Variants in ZBTB44 observed in about 807,000 individuals in gnomAD.
ZBTB44 encodes the protein zinc finger and BTB domain containing 44, also known as zinc finger and BTB domain-containing protein 44.
Under a neutral mutation model 54.0 loss-of-function variants are expected in ZBTB44, and 15 were observed. The ratio of observed to expected loss-of-function variants is 0.28; its 90% CI spans 0.19 to 0.43. The LOEUF is 0.43. Among genes scored for constraint, ZBTB44 ranks in the 20% least tolerant of loss-of-function variants. ZBTB44 has a pLI of 1.00. For missense variants in ZBTB44, 487 were observed against 707.1 expected (o/e 0.69, Z 3.53); for synonymous variants, 230 against 250.1 (o/e 0.92, Z 0.76).
At chr11:130,302,467 T>C (rs1299551799) in intron 1 of ZBTB44, among the ~76,000 whole-genome samples, 1 of 152,182 alleles carries the variant, frequency 6.6e-6, no homozygotes, top group Non-Finnish European at 1.5e-5. Context: ...GTTAGTTTTA[T>C]ACAGCATGTG....
Position 130,230,823 on chromosome 11 carries a change from G to A in ZBTB44, c.*941C>T, listed in dbSNP as rs1202265703. On this transcript the variant is annotated 3_prime_UTR_variant, in exon 8 of 8. Coordinates refer to ENST00000357899, the MANE Select transcript of ZBTB44 (RefSeq NM_001301098.2). ...CTATTAGAATATACCCTTTAAACAC[G>A]AAAAGAACAACTGCAGGAGCTTTAA... 3.3e-5 allele frequency: 5 copies of A among 152,034 alleles called. No homozygotes were observed. Among genetic ancestry groups the A allele is most frequent in the East Asian group, 1.9e-4 (1 of 5,178 alleles). The allele number at this position is 152,034 out of a possible 1,614,324, so 9.4% of individuals were successfully genotyped here.
At chr11:130,262,013 CTAAAT>C in intron 1 of ZBTB44, 84 bp from the exon 2 acceptor site, 3 of 1,036,970 alleles carry the variant, frequency 2.9e-6, no homozygotes, top group Non-Finnish European at 4.0e-6. Flanking sequence ...GGCCACTGTA[CTAAAT>C]TAAAAAGCTG....
intron 1 of ZBTB44, among the ~76,000 whole-genome samples, chr11:130,305,248 A>G (rs867984039): frequency 9.8e-5 from 15 of 152,324 alleles, no homozygotes; most frequent in Middle Eastern, 3.4e-3. Context: ...TAGAACTAGA[A>G]AACACAATTC....
intron 1 of ZBTB44, chr11:130,310,407 A>G (rs1257353226): frequency 6.6e-6 from 1 of 151,972 alleles, no homozygotes. Context: ...CGTGCTTATC[A>G]GTAGTAGGAT....
In ZBTB44 at chr11:130,291,993, T is replaced by C. The variant is rs145261477; in HGVS notation, c.-57+22382A>G. On this transcript the variant is annotated intron_variant, in intron 1 of 7. Transcript: ENST00000357899. ...TTTACACTTTAGTAGCTCCATTTTC[T>C]AGAATTTTATATAAATGGGATTATA... 1.6e-3 allele frequency among the ~76,000 whole-genome samples: 240 copies of C among 152,354 alleles called. 5 individuals carry two copies. The South Asian group carries it at 0.034, about 22-fold the overall frequency.
At chr11:130,236,666 G>A (rs1025707703) in intron 5 of ZBTB44, 127 bp downstream of exon 5, 27 of 993,690 alleles carry the variant, frequency 2.7e-5, no homozygotes, top group Non-Finnish European at 3.1e-5. Flanking sequence ...ATGAACAGTG[G>A]GAATCCGTAA....
rs59629267 is a variant in ZBTB44 at position 130,313,907 on chromosome 11, GGT to G, written c.-57+466_-57+467del. Among the ~76,000 whole-genome samples, 328 of 149,236 alleles carry G rather than the reference GGT, an allele frequency of 2.2e-3. 2 individuals carry two copies. The Middle Eastern group carries it at 0.035, about 16-fold the overall frequency. The stretch of plus-strand genomic sequence containing the variant: ...GATCCTCAGGAAGGAAAGGAAAAGA[GGT>G]GTGTGTGTGTGTGTATGTGTGTGTG... On this transcript the variant is annotated intron_variant, in intron 1 of 7. Coordinates refer to ENST00000357899, the MANE Select transcript of ZBTB44 (RefSeq NM_001301098.2).
chr11:130,232,750 C>T (rs1050163420), intron 7 of ZBTB44: 1 of 152,230 alleles, frequency 6.6e-6, no homozygotes, highest in Non-Finnish European at 1.5e-5. Context: ...GCAGTGATCC[C>T]AGCAGTCTGG....
intron 3 of ZBTB44, 108 bp downstream of exon 3, chr11:130,239,704 C>T (rs1954267377): frequency 1.2e-6 from 1 of 832,278 alleles, no homozygotes; most frequent in Non-Finnish European, 1.9e-6. Context: ...GAAAAGTATA[C>T]TGAAGTGAGG....
rs1260832843 is a variant in ZBTB44 at position 130,236,952 on chromosome 11, T to C, written c.1409A>G (p.Tyr470Cys). Residue 470 changes from tyrosine to cysteine, a missense_variant, in exon 5 of 8, where the codon TAT becomes TGT. Transcript: ENST00000357899. ...CSATFTSFGE[Y>C]KHHMRVSRHI... ...CCGGGAAACCCTCATGTGGTGTTTA[T>C]ATTCCCCGAAGGAAGTGAAAGTGGC... 1 of 1,613,240 alleles carries C rather than the reference T, an allele frequency of 6.2e-7. No individual in the cohort carries two copies. The highest frequency in any genetic ancestry group is 1.7e-4 in the Middle Eastern group (1 of 6,056).
intron 1 of ZBTB44, among the ~76,000 whole-genome samples, chr11:130,286,049 C>T (rs1191097891): frequency 2.6e-5 from 4 of 152,168 alleles, no homozygotes; most frequent in East Asian, 1.9e-4. Context: ...ATCAACTATC[C>T]GAAAAGTGAC....
At position 130,251,780 on chromosome 11, in the gene ZBTB44, TGGAAA is replaced by T. The variant is rs550054017; in HGVS notation, c.1018+9071_1018+9075del. ...GAGCTCCTGAAGGAAGCACTAAATA[TGGAAA>T]GGAAAAACTGGTACCAGCCACTGCA... On this transcript the variant is annotated intron_variant, in intron 2 of 7. Transcript: ENST00000357899. 6.6e-3 allele frequency among the ~76,000 whole-genome samples: 1,006 copies of T among 152,030 alleles called. 12 individuals carry two copies. Among genetic ancestry groups the T allele is most frequent in the African/African-American group, 0.023 (964 of 41,454 alleles).
chr11:130,272,279 A>T (rs1458783064), intron 1 of ZBTB44, among the ~76,000 whole-genome samples: 3 of 152,134 alleles, frequency 2.0e-5, no homozygotes, highest in Non-Finnish European at 4.4e-5. Flanking sequence ...CATCCTCACC[A>T]ACACTTATGA....
chr11:130,252,322 T>C (rs1254737990), intron 2 of ZBTB44, among the ~76,000 whole-genome samples: 1 of 152,112 alleles, frequency 6.6e-6, no homozygotes, highest in East Asian at 1.9e-4. Context: ...CACACAATAA[T>C]AGTGGGAGAC....
At chr11:130,309,316 A>G (rs1447948190) in intron 1 of ZBTB44, among the ~76,000 whole-genome samples, 1 of 152,182 alleles carries the variant, frequency 6.6e-6, no homozygotes, top group Non-Finnish European at 1.5e-5. Flanking sequence ...AGTGTGACCT[A>G]TGACAGTGAG....
intron 1 of ZBTB44, among the ~76,000 whole-genome samples, chr11:130,262,187 TG>T (rs1938908932): frequency 6.6e-6 from 1 of 152,214 alleles, no homozygotes; most frequent in Non-Finnish European, 1.5e-5. Flanking sequence ...TTGCCCAGGC[TG>T]GAGTGCAGCG....
chr11:130,243,414 AGC>A (rs1954475042), intron 2 of ZBTB44, among the ~76,000 whole-genome samples: 2 of 152,246 alleles, frequency 1.3e-5, no homozygotes, highest in South Asian at 4.1e-4. Flanking sequence ...GGGCAGCATT[AGC>A]TATATGAGAT....
intron 2 of ZBTB44, among the ~76,000 whole-genome samples, chr11:130,242,597 G>T (rs1336292206): frequency 6.6e-6 from 1 of 151,816 alleles, no homozygotes; most frequent in Non-Finnish European, 1.5e-5. Context: ...ATTCATTCTT[G>T]AAAGACATTT....
chr11:130,266,946 G>A (rs1270160109), intron 1 of ZBTB44, among the ~76,000 whole-genome samples: 1 of 152,158 alleles, frequency 6.6e-6, no homozygotes, highest in Admixed American at 6.5e-5. Context: ...AGAGGATCAA[G>A]TCCAATTTAA....
Sources: allele counts gnomAD v4.1 joint callset (sites outside exome capture counted in the v4.1 genomes callset), GRCh38; gene constraint gnomAD v4.1.1; transcripts MANE v1.5; gene names NCBI Gene and HGNC (gene_info 2026-07-23, HGNC 2026-07-21).